The following WHRN variants were observed in gnomAD, a reference collection of about 807,000 sequenced individuals.
WHRN encodes whirlin.
A neutral mutation model predicts 68.3 loss-of-function variants in WHRN; 41 were observed. That is an observed-to-expected ratio of 0.60 (90% CI 0.47 to 0.78). WHRN has a LOEUF of 0.78. WHRN is among the 30% of genes least tolerant of loss of function. The pLI, the probability that WHRN is intolerant of heterozygous loss-of-function variation, is 0.00. For synonymous variants in WHRN, 560 were observed against 561.3 expected, an observed-to-expected ratio of 1.00 and a Z score of 0.03; for missense variants, 1,243 against 1,244.7, an observed-to-expected ratio of 1.00 and a Z score of 0.02.
chr9:114,482,757 G>A (rs933829100), intron 1 of WHRN, among the ~76,000 whole-genome samples: 23 of 152,278 alleles, frequency 1.5e-4, no homozygotes, highest in Admixed American at 2.0e-4. Context: ...ACCAGCAACA[G>A]TAGAATCCTC....
At chr9:114,456,640 C>T (rs111649682) in intron 3 of WHRN, among the ~76,000 whole-genome samples, 2,176 of 152,072 alleles carry the variant, frequency 0.014, 36 homozygotes, top group African/African-American at 0.044. Context: ...CCAGCCTGGT[C>T]CACATGAGGA....
At chr9:114,469,674 T>C (rs1589212198) in intron 2 of WHRN, among the ~76,000 whole-genome samples, 1 of 152,230 alleles carries the variant, frequency 6.6e-6, no homozygotes, top group Non-Finnish European at 1.5e-5. Context: ...ACGGCAGCCC[T>C]GCCCTGTGTC....
At chr9:114,493,874 C>G (rs1024247140) in intron 1 of WHRN, among the ~76,000 whole-genome samples, 13 of 152,310 alleles carry the variant, frequency 8.5e-5, no homozygotes, top group Admixed American at 7.8e-4. Flanking sequence ...GGAAAAAACT[C>G]AGGGAGGAAA....
In WHRN at chr9:114,465,123, C is replaced by G. The variant is rs140787870; in HGVS notation, c.963+1144G>C. Among the ~76,000 whole-genome samples, 653 of 152,266 alleles carry G rather than the reference C, an allele frequency of 4.3e-3. 2 individuals carry two copies. Among genetic ancestry groups the G allele is most frequent in the African/African-American group, 0.015 (612 of 41,556 alleles). On this transcript the variant is annotated intron_variant, in intron 3 of 11. Transcript: ENST00000362057. ...AACTGGGACTTGAACCTAGTCTTCC[C>G]TACTGCAAACCCAGAGCTCTTCCCA... is the stretch of plus-strand genomic sequence containing the variant.
intron 1 of WHRN, among the ~76,000 whole-genome samples, chr9:114,497,843 C>G (rs968641787): frequency 6.6e-6 from 1 of 152,132 alleles, no homozygotes; most frequent in African/African-American, 2.4e-5. Flanking sequence ...TGTTGCCACA[C>G]CTAGTAGTCA....
At chr9:114,500,251 G>A (rs1168274533) in intron 1 of WHRN, among the ~76,000 whole-genome samples, 7 of 152,192 alleles carry the variant, frequency 4.6e-5, no homozygotes, top group African/African-American at 9.7e-5. Flanking sequence ...CAGGGCCAGA[G>A]GAAGGTCTGT....
At chr9:114,449,191 G>T (rs1839095510) in intron 3 of WHRN, among the ~76,000 whole-genome samples, 1 of 152,308 alleles carries the variant, frequency 6.6e-6, no homozygotes, top group African/African-American at 2.4e-5. Flanking sequence ...CATTTAATTT[G>T]GCATGACCAC....
chr9:114,489,969 G>T (rs895878138), intron 1 of WHRN, among the ~76,000 whole-genome samples: 2 of 152,132 alleles, frequency 1.3e-5, no homozygotes, highest in African/African-American at 2.4e-5. Flanking sequence ...TATTATTTTG[G>T]AATGATGACA....
chr9:114,408,588 C>T (rs1300742732), intron 7 of WHRN, among the ~76,000 whole-genome samples: 1 of 152,196 alleles, frequency 6.6e-6, no homozygotes, highest in Non-Finnish European at 1.5e-5. Flanking sequence ...GCCAAAAGGC[C>T]ATTTGTGGGC....
At position 114,466,243 on chromosome 9, in the gene WHRN, TCCCTCCCTCAGG is replaced by T. The variant is rs958813724; in HGVS notation, c.963+12_963+23del. The stretch of plus-strand genomic sequence containing the variant: ...GCAAAGAGCTCCATGCACAGAGTTT[TCCCTCCCTCAGG>T]CCCTCCCTCACCTTGAGCCCGCTGC... On this transcript the variant is annotated intron_variant, in intron 3 of 11. Transcript: ENST00000362057. 5.0e-6 allele frequency: 8 copies of T among 1,613,414 alleles called. No homozygotes were observed. Among genetic ancestry groups the T allele is most frequent in the African/African-American group, 1.3e-5 (1 of 74,910 alleles).
At chr9:114,436,894 A>G (rs367664922) in intron 3 of WHRN, among the ~76,000 whole-genome samples, 1 of 151,882 alleles carries the variant, frequency 6.6e-6, no homozygotes, top group Admixed American at 6.5e-5. Context: ...TTATTTAAAT[A>G]TAATGAAAAA....
chr9:114,473,856 A>C (rs1453959671), intron 2 of WHRN, among the ~76,000 whole-genome samples: 3 of 152,218 alleles, frequency 2.0e-5, no homozygotes, highest in Non-Finnish European at 2.9e-5. Flanking sequence ...GAACTCAAGA[A>C]CAGGTGATCA....
chr9:114,421,054 C>T (rs1279130545), intron 7 of WHRN, among the ~76,000 whole-genome samples: 2 of 152,102 alleles, frequency 1.3e-5, no homozygotes, highest in Non-Finnish European at 2.9e-5. Context: ...TGGACTTTCA[C>T]AGTCACAAAT....
chr9:114,491,133 A>G (rs1339676277), intron 1 of WHRN, among the ~76,000 whole-genome samples: 2 of 152,212 alleles, frequency 1.3e-5, no homozygotes, highest in Non-Finnish European at 2.9e-5. Flanking sequence ...TCCATCAGGA[A>G]TATCTGTTTA....
In WHRN at chr9:114,407,979, C is replaced by T; in HGVS notation, c.1666G>A (p.Gly556Ser). The change falls in exon 8 of 12, where the codon GGC becomes AGC. Residue 556 changes from glycine (G) to serine (S), a missense_variant. Physicochemically the swap from Gly to Ser is moderately conservative, Grantham distance 56 (BLOSUM62 0). Coordinates refer to ENST00000362057, the MANE Select transcript of WHRN (RefSeq NM_015404.4). ...DLEETGEAVQ[G>S]NINALPDVSV... ...ACATCTGGGAGGGCGTTGATATTGC[C>T]CTGGACAGCCTCGCCAGTTTCCTCC... The T allele has an allele frequency of 2.5e-6, 4 of 1,604,196 alleles. No individual in the cohort carries two copies. Among genetic ancestry groups the T allele is most frequent in the South Asian group, 1.1e-5 (1 of 89,242 alleles).
At chr9:114,469,512 C>T (rs73656120) in intron 2 of WHRN, among the ~76,000 whole-genome samples, 2,749 of 152,332 alleles carry the variant, frequency 0.018, 30 homozygotes, top group African/African-American at 0.035. Context: ...AGCACCTCAC[C>T]AGGGTCACAA....
chr9:114,417,896 T>G, intron 7 of WHRN, among the ~76,000 whole-genome samples: 1 of 152,194 alleles, frequency 6.6e-6, no homozygotes, highest in Non-Finnish European at 1.5e-5. Flanking sequence ...GAGAAGACTC[T>G]CAGAACTGGA....
chr9:114,480,860 G>GA (rs1350788727), intron 1 of WHRN, among the ~76,000 whole-genome samples: 1 of 152,108 alleles, frequency 6.6e-6, no homozygotes, highest in Non-Finnish European at 1.5e-5. Context: ...AATCATACTG[G>GA]AAAAACAAAA....
At chr9:114,414,827 C>G (rs1217112301) in intron 7 of WHRN, among the ~76,000 whole-genome samples, 1 of 152,180 alleles carries the variant, frequency 6.6e-6, no homozygotes, top group Non-Finnish European at 1.5e-5. Context: ...ATGGAGTGGG[C>G]TCTTCTACTC....
Sources: allele counts gnomAD v4.1 joint callset (sites outside exome capture counted in the v4.1 genomes callset), GRCh38; gene constraint gnomAD v4.1.1; transcripts MANE v1.5; gene names NCBI Gene and HGNC (gene_info 2026-07-23, HGNC 2026-07-21).